Variants in FANCM observed in about 807,000 individuals in gnomAD.
FANCM encodes FA complementation group M.
FANCM carries 140 observed loss-of-function variants against 199.5 expected under a neutral mutation model. That is an observed-to-expected ratio of 0.70 (90% CI 0.61 to 0.81). The LOEUF (loss-of-function observed/expected upper bound fraction) is 0.81. Among genes scored for constraint, FANCM ranks in the 30% least tolerant of loss-of-function variants. FANCM has a pLI of 0.00. For synonymous variants in FANCM, 840 were observed against 836.8 expected, an observed-to-expected ratio of 1.00 and a Z score of -0.07; for missense variants, 2,410 against 2,421.4, an observed-to-expected ratio of 1.00 and a Z score of 0.10.
rs187570692 is a variant in FANCM, at chr14:45,163,123, A to G, written c.1582-1236A>G. ...TTTTAAGGTTGTTGTTTTTCACAAT[A>G]CAACTAGCTTACAGATTAAGTTAGG... On this transcript the variant is annotated intron_variant, in intron 9 of 22. Coordinates refer to ENST00000267430, the MANE Select transcript of FANCM (RefSeq NM_020937.4). Among the ~76,000 whole-genome samples, 76 of 152,380 alleles carry G rather than the reference A, an allele frequency of 5.0e-4. No homozygotes were observed. The Middle Eastern group carries it at 0.01, about 20-fold the overall frequency.
intron 3 of FANCM, among the ~76,000 whole-genome samples, chr14:45,145,952 G>C (rs1267317741): frequency 6.7e-6 from 1 of 149,886 alleles, no homozygotes; most frequent in African/African-American, 2.5e-5. Context: ...CCAGCTACTT[G>C]GGAGGCTGAG....
Position 45,200,713 on chromosome 14 carries a change from G to A in FANCM, c.*705G>A, listed in dbSNP as rs1472436227. 6.6e-6 allele frequency: 1 copy of A among 152,160 alleles called. No individual in the cohort carries two copies. Among genetic ancestry groups the A allele is most frequent in the Non-Finnish European group, 1.5e-5 (1 of 68,030 alleles). The allele number at this position is 152,160 out of a possible 1,614,324, so 9.4% of individuals were successfully genotyped here. ...GTTCCCCCATGCTGTTCTAGTGATA[G>A]TTCTCAGAGGATCTGATGGTTTTAT... On this transcript the variant is annotated 3_prime_UTR_variant, in exon 23 of 23. Coordinates refer to ENST00000267430, the MANE Select transcript of FANCM (RefSeq NM_020937.4).
rs1886120700 is a variant in FANCM, at chr14:45,143,405, T to A, written c.759+2696T>A. Among the ~76,000 whole-genome samples the A allele has an allele frequency of 2.6e-5, 4 of 152,150 alleles. No homozygotes were observed. The South Asian group carries it at 8.3e-4, about 32-fold the overall frequency. On this transcript the variant is annotated intron_variant, in intron 3 of 22. Coordinates refer to ENST00000267430, the MANE Select transcript of FANCM (RefSeq NM_020937.4). ...TGGTCTAGAACTACTGGTCTCAAACTCCTGGGCTCAAGTGATCCACCTGTC... is the reference window on the plus strand; with the variant it reads ...TGGTCTAGAACTACTGGTCTCAAACACCTGGGCTCAAGTGATCCACCTGTC...
At chr14:45,195,493 C>A in intron 20 of FANCM, 1 of 455,500 alleles carries the variant, frequency 2.2e-6, no homozygotes. Context: ...GTTCGGACAT[C>A]TAGCACTAAT....
At chr14:45,143,920 C>T (rs1361373165) in intron 3 of FANCM, among the ~76,000 whole-genome samples, 1 of 151,446 alleles carries the variant, frequency 6.6e-6, no homozygotes. Flanking sequence ...TCTCGAACCC[C>T]TGACCTCGTG....
At chr14:45,155,089 A>C (rs558614676) in intron 7 of FANCM, among the ~76,000 whole-genome samples, 2 of 152,328 alleles carry the variant, frequency 1.3e-5, no homozygotes, top group South Asian at 4.1e-4. Flanking sequence ...GGTAGTAAAA[A>C]TTCTCAGAAC....
intron 21 of FANCM, among the ~76,000 whole-genome samples, chr14:45,197,960 G>T (rs906283619): frequency 6.7e-5 from 10 of 149,590 alleles, no homozygotes; most frequent in African/African-American, 2.5e-4. Flanking sequence ...GTAGAGACGA[G>T]GTTTCACCAT....
intron 9 of FANCM, among the ~76,000 whole-genome samples, chr14:45,163,159 CAG>C (rs1170968460): frequency 6.6e-6 from 1 of 152,118 alleles, no homozygotes; most frequent in African/African-American, 2.4e-5. Context: ...TTTTTGGAGT[CAG>C]AGACACTAAC....
rs575711141 is a variant in FANCM, at chr14:45,181,048, A to G, written c.4223-382A>G. ...GCATTTTTATGCTTTAACTCTTTCA[A>G]GTAGAAAGAGAATAAGACACAAAGG... On this transcript the variant is annotated intron_variant, in intron 14 of 22. Coordinates refer to ENST00000267430, the MANE Select transcript of FANCM (RefSeq NM_020937.4). 3.9e-5 allele frequency among the ~76,000 whole-genome samples: 6 copies of G among 152,322 alleles called. No homozygotes were observed. The East Asian group carries it at 9.6e-4, about 24-fold the overall frequency.
chr14:45,185,508 A>G, intron 18 of FANCM, 135 bp downstream of exon 18: 1 of 566,000 alleles, frequency 1.8e-6, no homozygotes, highest in Non-Finnish European at 3.1e-6. Context: ...TTATTTGGTC[A>G]TTTTCATTCA....
chr14:45,177,094 A>C, intron 14 of FANCM, 118 bp downstream of exon 14: 2 of 661,532 alleles, frequency 3.0e-6, no homozygotes, highest in Non-Finnish European at 5.3e-6. Context: ...ATATTGAATT[A>C]GATAATTGAT....
At chr14:45,162,916 T>G (rs1428507668) in intron 9 of FANCM, among the ~76,000 whole-genome samples, 2 of 152,168 alleles carry the variant, frequency 1.3e-5, no homozygotes, top group Middle Eastern at 3.2e-3. Flanking sequence ...CTGTGTTATA[T>G]GCAGGTTGGC....
chr14:45,158,927 C>A (rs1165490735), intron 8 of FANCM, among the ~76,000 whole-genome samples, 169 bp from the exon 9 acceptor site: 1 of 152,148 alleles, frequency 6.6e-6, no homozygotes, highest in Non-Finnish European at 1.5e-5. Flanking sequence ...CCATCTCAGC[C>A]TCCCAAGTAG....
At position 45,137,076 on chromosome 14, in the gene FANCM, A is replaced by G. The variant is rs1442076940; in HGVS notation, c.516A>G (p.Thr172=). ...TGTCACTTTTATTTTCAGGGTCTAC[A>G]CAAGCTTCCACCAGGAAGGAAATAT... The part of the protein sequence containing the change: ...QSHMAEMTGS[T]QASTRKEIWC... Residue 172 remains threonine, a synonymous_variant, in exon 2 of 23, where the codon ACA becomes ACG. Coordinates refer to ENST00000267430, the MANE Select transcript of FANCM (RefSeq NM_020937.4). 7 of 1,611,792 alleles carry G rather than the reference A, an allele frequency of 4.3e-6. No homozygotes were observed. The highest frequency in any genetic ancestry group is 5.9e-6 in the Non-Finnish European group (7 of 1,178,290).
At chr14:45,147,322 T>G (rs1269536685) in intron 3 of FANCM, among the ~76,000 whole-genome samples, 2 of 152,002 alleles carry the variant, frequency 1.3e-5, no homozygotes, top group Non-Finnish European at 2.9e-5. Context: ...CTTTCTTTTT[T>G]TTTTGGAGAC....
At chr14:45,165,588 C>A (rs147497978) in intron 10 of FANCM, among the ~76,000 whole-genome samples, 1,970 of 152,258 alleles carry the variant, frequency 0.013, 11 homozygotes, top group Middle Eastern at 0.037. Flanking sequence ...ATTTTATATA[C>A]TCTTTAAAAT....
chr14:45,152,742 T>C (rs530876081), intron 5 of FANCM, among the ~76,000 whole-genome samples: 6 of 152,308 alleles, frequency 3.9e-5, no homozygotes, highest in Admixed American at 6.5e-5. Context: ...GAGAGTAGCT[T>C]TAAGTATTAT....
At chr14:45,187,920 T>G in intron 19 of FANCM, 33 bp downstream of exon 19, 1 of 1,040,512 alleles carries the variant, frequency 9.6e-7, no homozygotes, top group Non-Finnish European at 1.5e-6. Context: ...GGAGAATTTC[T>G]GGATGATGAT....
rs149957193 is a variant in FANCM at position 45,163,985 on chromosome 14, C to A, written c.1582-374C>A. On this transcript the variant is annotated intron_variant, in intron 9 of 22. Coordinates refer to ENST00000267430, the MANE Select transcript of FANCM (RefSeq NM_020937.4). Reference sequence around the variant, plus strand: ...GTTGAAACGAGGCTTTACTCTGTTGCCTAGGCTAGAGTGCAGTGTCACAGT... The same window carrying A: ...GTTGAAACGAGGCTTTACTCTGTTGACTAGGCTAGAGTGCAGTGTCACAGT... Among the ~76,000 whole-genome samples, 119 of 152,260 alleles carry A rather than the reference C, an allele frequency of 7.8e-4. 2 individuals are homozygous for A. Among genetic ancestry groups the A allele is most frequent in the African/African-American group, 2.8e-3 (115 of 41,554 alleles).
Sources: allele counts gnomAD v4.1 joint callset (sites outside exome capture counted in the v4.1 genomes callset), GRCh38; gene constraint gnomAD v4.1.1; transcripts MANE v1.5; gene names NCBI Gene and HGNC (gene_info 2026-07-23, HGNC 2026-07-21).